Variants in LAMA2 observed in about 807,000 individuals in gnomAD.
LAMA2 encodes laminin subunit alpha-2.
Under a neutral mutation model 364.8 loss-of-function variants are expected in LAMA2, and 269 were observed. The observed-to-expected ratio is 0.74, with a 90% CI of 0.67 to 0.82. LAMA2 has a LOEUF of 0.82. LAMA2 is among the 40% of genes least tolerant of loss of function. The pLI is 0.00. For missense variants in LAMA2, 3,807 were observed against 3,873.2 expected, an observed-to-expected ratio of 0.98 and a Z score of 0.45; for synonymous variants, 1,379 against 1,370.6, an observed-to-expected ratio of 1.01 and a Z score of -0.14.
In LAMA2 at chr6:129,006,497, A is replaced by T. The variant is rs1784447352; in HGVS notation, c.113-43421A>T. Among the ~76,000 whole-genome samples the T allele has an allele frequency of 2.6e-5, 4 of 152,044 alleles. No individual in the cohort carries two copies. The South Asian group carries it at 8.3e-4, about 32-fold the overall frequency. The stretch of plus-strand genomic sequence containing the variant: ...CCTCAGCCTTAGTGAAGGGTGTCCC[A>T]TTCACCCATTTATCCACACCATGAG... On this transcript the variant is annotated intron_variant, in intron 1 of 64. Coordinates refer to ENST00000421865, the MANE Select transcript of LAMA2 (RefSeq NM_000426.4).
rs1478986978 is a variant in LAMA2 at position 129,034,522 on chromosome 6, A to G, written c.113-15396A>G. On this transcript the variant is annotated intron_variant, in intron 1 of 64. Transcript: ENST00000421865. The stretch of plus-strand genomic sequence containing the variant: ...GGGGATACATGTGTGGGTTTGTGAC[A>G]TGGGTATATTGTGTAATGGTGAGGT... Among the ~76,000 whole-genome samples the G allele has an allele frequency of 2.6e-5, 4 of 151,114 alleles. No individual in the cohort carries two copies. The South Asian group carries it at 6.3e-4, about 24-fold the overall frequency.
intron 34 of LAMA2, among the ~76,000 whole-genome samples, chr6:129,381,223 A>AAGTTCCTT (rs1273422078): frequency 6.6e-6 from 1 of 152,236 alleles, no homozygotes; most frequent in African/African-American, 2.4e-5. Context: ...AATATAGATC[A>AAGTTCCTT]AGTTCCTTAT....
At chr6:129,217,187 C>CA (rs5879929) in intron 12 of LAMA2, among the ~76,000 whole-genome samples, 92,965 of 144,750 alleles carry the variant, frequency 0.64, 31,772 homozygotes, top group Non-Finnish European at 0.77. Flanking sequence ...GACTCCATCT[C>CA]AAAAAAAAAA....
intron 4 of LAMA2, among the ~76,000 whole-genome samples, chr6:129,110,683 G>A (rs893383972): frequency 6.6e-6 from 1 of 152,002 alleles, no homozygotes; most frequent in African/African-American, 2.4e-5. Flanking sequence ...GAACTGATTT[G>A]AGGTCACACT....
chr6:129,270,953 G>A (rs1264215340), intron 17 of LAMA2, among the ~76,000 whole-genome samples: 1 of 151,836 alleles, frequency 6.6e-6, no homozygotes, highest in Admixed American at 6.6e-5. Context: ...AATTTTTTTA[G>A]CTCTAGTTTT....
intron 32 of LAMA2, among the ~76,000 whole-genome samples, chr6:129,364,236 G>A (rs951679576): frequency 6.6e-5 from 10 of 152,090 alleles, no homozygotes; most frequent in African/African-American, 1.9e-4. Flanking sequence ...ATCACTCTCC[G>A]TCCTCCTTCT....
At chr6:129,501,494 A>G (rs989878938) in intron 58 of LAMA2, among the ~76,000 whole-genome samples, 3 of 152,220 alleles carry the variant, frequency 2.0e-5, no homozygotes, top group Admixed American at 2.0e-4. Flanking sequence ...ACTAAGATCA[A>G]GAGAAAAGAG....
intron 12 of LAMA2, among the ~76,000 whole-genome samples, chr6:129,238,202 T>A (rs946131496): frequency 5.3e-5 from 8 of 151,954 alleles, no homozygotes; most frequent in African/African-American, 1.9e-4. Flanking sequence ...GAGACAATTA[T>A]ATTTTTTTCC....
chr6:129,014,967 A>T (rs185441471), intron 1 of LAMA2, among the ~76,000 whole-genome samples: 76 of 152,234 alleles, frequency 5.0e-4, no homozygotes, highest in African/African-American at 1.8e-3. Flanking sequence ...ATTTAGCCTT[A>T]GAGCTTTGAA....
chr6:128,961,353 A>ATATATATATATAT (rs1781503071), intron 1 of LAMA2, among the ~76,000 whole-genome samples: 6 of 73,812 alleles, frequency 8.1e-5, no homozygotes, highest in African/African-American at 3.1e-4. Flanking sequence ...ATATATATAT[A>ATATATATATATAT]TATATATATA....
intron 12 of LAMA2, among the ~76,000 whole-genome samples, chr6:129,228,450 T>G (rs1327292499): frequency 1.3e-5 from 2 of 152,152 alleles, no homozygotes; most frequent in African/African-American, 4.8e-5. Flanking sequence ...CTGGAGCTGT[T>G]CCTATTCCAA....
At chr6:129,182,801 T>C (rs755467355) in intron 10 of LAMA2, among the ~76,000 whole-genome samples, 16 of 151,808 alleles carry the variant, frequency 1.1e-4, no homozygotes, top group South Asian at 4.1e-4. Flanking sequence ...CTAAGTATCA[T>C]TGCTTTAAAA....
At chr6:129,383,364 G>A (rs1778804019) in intron 35 of LAMA2, 131 bp downstream of exon 35, 3 of 777,694 alleles carry the variant, frequency 3.9e-6, no homozygotes, top group South Asian at 2.9e-5. Context: ...TCAAAAAGTA[G>A]TGTGGTTAAG....
intron 60 of LAMA2, among the ~76,000 whole-genome samples, chr6:129,503,686 A>G (rs1433224022): frequency 6.6e-6 from 1 of 152,244 alleles, no homozygotes; most frequent in African/African-American, 2.4e-5. Context: ...GGTGGCTAAA[A>G]GGCCTTTCTA....
intron 12 of LAMA2, among the ~76,000 whole-genome samples, chr6:129,230,586 A>T (rs1784619471): frequency 6.6e-6 from 1 of 152,142 alleles, no homozygotes; most frequent in South Asian, 2.1e-4. Flanking sequence ...TGAAGATTCA[A>T]GGAGAAAAGA....
At chr6:129,294,426 T>C (rs1436381512) in intron 20 of LAMA2, among the ~76,000 whole-genome samples, 1 of 152,180 alleles carries the variant, frequency 6.6e-6, no homozygotes, top group Non-Finnish European at 1.5e-5. Context: ...GCAGATTTCC[T>C]ATCTAGTGAG....
intron 3 of LAMA2, among the ~76,000 whole-genome samples, chr6:129,089,964 A>G (rs1774717262): frequency 6.6e-6 from 1 of 152,214 alleles, no homozygotes; most frequent in South Asian, 2.1e-4. Flanking sequence ...CTAAGAATGC[A>G]GTGTATTCAC....
rs1008523714 is a variant in LAMA2, at chr6:129,342,386, C to T, written c.4355C>T (p.Ala1452Val). ...GCTGGTGACTTCTGTGAACGATGTGCTCTTGGATACTATGGAATTGTCAAG... is the reference window on the plus strand; with the variant it reads ...GCTGGTGACTTCTGTGAACGATGTGTTCTTGGATACTATGGAATTGTCAAG... ...HTAGDFCERC[A>V]LGYYGIVKGL... The change falls in exon 30 of 65, where the codon GCT (alanine) becomes GTT (valine). Residue 1452 changes from alanine (A) to valine (V), a missense_variant. Coordinates refer to ENST00000421865, the MANE Select transcript of LAMA2 (RefSeq NM_000426.4). 18 of 1,613,160 alleles carry T rather than the reference C, an allele frequency of 1.1e-5. No homozygotes were observed. The highest frequency in any genetic ancestry group is 4.0e-5 in the African/African-American group (3 of 74,876).
intron 29 of LAMA2, among the ~76,000 whole-genome samples, chr6:129,339,780 A>C (rs1465410460): frequency 6.6e-6 from 1 of 152,168 alleles, no homozygotes; most frequent in Non-Finnish European, 1.5e-5. Context: ...CAGGGCAGGC[A>C]GATCACGGGG....
Sources: gnomAD v4.1 joint callset for allele counts (sites outside exome capture counted in the v4.1 genomes callset) on GRCh38, gnomAD v4.1.1 for gene constraint, MANE v1.5 for transcripts, NCBI Gene and HGNC (gene_info 2026-07-23, HGNC 2026-07-21) for gene names.